Variants in RUFY2 observed in about 807,000 individuals in gnomAD.
The protein encoded by RUFY2 is RUN and FYVE domain containing 2.
RUFY2 carries 49 observed loss-of-function variants against 94.4 expected under a neutral mutation model. The observed-to-expected ratio is 0.52, with a 90% CI of 0.41 to 0.66. The LOEUF is 0.66. RUFY2 is among the 30% of genes least tolerant of loss of function. The pLI is 0.00. For missense variants in RUFY2, 541 were observed against 692.8 expected, an observed-to-expected ratio of 0.78 and a Z score of 2.46; for synonymous variants, 255 against 235.7, an observed-to-expected ratio of 1.08 and a Z score of -0.75.
intron 13 of RUFY2, among the ~76,000 whole-genome samples, chr10:68,367,662 T>TTTCTTTCTTTCTCTC (rs1375441189): frequency 1.4e-5 from 2 of 145,402 alleles, no homozygotes; most frequent in Non-Finnish European, 2.9e-5. Context: ...TTCTTTCTCT[T>TTTCTTTCTTTCTCTC]TTCTTTCTTT....
intron 1 of RUFY2, chr10:68,406,934 T>C (rs2051368551): frequency 6.4e-7 from 1 of 1,556,412 alleles, no homozygotes; most frequent in South Asian, 1.2e-5. Context: ...CTGGACGCCG[T>C]GGCACCTCGA....
At chr10:68,341,819 G>A, downstream of RUFY2, 1 of 1,610,836 alleles carries the variant, frequency 6.2e-7, no homozygotes, top group Non-Finnish European at 8.5e-7. Flanking sequence ...TACAGTGGAG[G>A]ATATGGTACT....
intron 4 of RUFY2, among the ~76,000 whole-genome samples, chr10:68,394,884 A>G (rs935423761): frequency 6.6e-6 from 1 of 151,856 alleles, no homozygotes. Flanking sequence ...GGGCCTCAGC[A>G]TCCCAAAGTG....
chr10:68,363,099 A>G (rs911137759), intron 15 of RUFY2, among the ~76,000 whole-genome samples: 2 of 152,226 alleles, frequency 1.3e-5, no homozygotes, highest in South Asian at 2.1e-4. Flanking sequence ...TTCAAAGCTA[A>G]GTCTACTAAA....
rs1382258180 is a variant in RUFY2, at chr10:68,346,095, G to T, written c.1600-11C>A. ...CAGCCAAACCAGTCCCTAGTAGGAA[G>T]AAAATATTAATGCTCAAATTGGTAA... On this transcript the variant is annotated splice_polypyrimidine_tract_variant and intron_variant, in intron 16 of 17. Transcript: ENST00000602465. The T allele has an allele frequency of 6.3e-7, 1 of 1,598,102 alleles. No homozygotes were observed. The highest frequency in any genetic ancestry group is 1.3e-5 in the African/African-American group (1 of 74,176).
chr10:68,386,355 AT>A lies in RUFY2; in HGVS notation c.651-228del, dbSNP rs1281473439. Among the ~76,000 whole-genome samples the A allele has an allele frequency of 1.0e-4, 15 of 150,458 alleles. No homozygotes were observed. In the South Asian group the frequency reaches 2.1e-3, roughly 21 times the overall value. On this transcript the variant is annotated intron_variant, in intron 7 of 17. Coordinates refer to ENST00000602465, the MANE Select transcript of RUFY2 (RefSeq NM_001330103.2). Reference sequence around the variant, plus strand: ...ATTAAAATTCCATTTGGTGCTACTGATTTTTTTTTTCTGAGATGGAGTCTCA... The same window carrying A: ...ATTAAAATTCCATTTGGTGCTACTGATTTTTTTTTCTGAGATGGAGTCTCA...
chr10:68,374,551 T>C (rs1033204644), intron 13 of RUFY2, among the ~76,000 whole-genome samples: 4 of 152,130 alleles, frequency 2.6e-5, no homozygotes, highest in Admixed American at 6.6e-5. Context: ...AAAATATATT[T>C]ACCAATCCAC....
chr10:68,379,011 A>T (rs1206409072), intron 12 of RUFY2: 1 of 286,192 alleles, frequency 3.5e-6, no homozygotes, highest in Non-Finnish European at 6.4e-6. Flanking sequence ...ACAAAACTAA[A>T]CCACCAATTC....
At chr10:68,357,233 GTT>G (rs1005368601) in intron 15 of RUFY2, among the ~76,000 whole-genome samples, 6 of 139,736 alleles carry the variant, frequency 4.3e-5, no homozygotes, top group Admixed American at 7.2e-5. Context: ...GTATAACTTT[GTT>G]TTTTTTTTTT....
chr10:68,405,436 T>C (rs1382481513), intron 1 of RUFY2: 1 of 971,830 alleles, frequency 1.0e-6, no homozygotes, highest in Non-Finnish European at 1.2e-6. Context: ...TATTTAACTT[T>C]CCTGGTACCT....
rs1233451075 is a variant in RUFY2 at position 68,345,994 on chromosome 10, T to G, written c.1677+13A>C. On this transcript the variant is annotated intron_variant, in intron 17 of 17. Coordinates refer to ENST00000602465, the MANE Select transcript of RUFY2 (RefSeq NM_001330103.2). ...CACTCCAAATTTTTGGACTCACTTC[T>G]TATCTCCCTTACCTTTCTCTTAGAG... is the stretch of plus-strand genomic sequence containing the variant. 1.2e-6 allele frequency: 2 copies of G among 1,612,850 alleles called. No individual in the cohort carries two copies. Among genetic ancestry groups the G allele is most frequent in the Non-Finnish European group, 1.7e-6 (2 of 1,179,362 alleles).
At chr10:68,395,273 G>C (rs2050307629) in intron 4 of RUFY2, among the ~76,000 whole-genome samples, 1 of 151,852 alleles carries the variant, frequency 6.6e-6, no homozygotes, top group African/African-American at 2.4e-5. Context: ...AGGAGGCAGA[G>C]GTTGCAGTGA....
downstream of RUFY2, chr10:68,341,566 C>G: frequency 6.6e-7 from 1 of 1,525,258 alleles, no homozygotes; most frequent in Non-Finnish European, 9.0e-7. Context: ...CCCTGTTACT[C>G]TTTCTTTTTT....
chr10:68,354,690 A>G (rs372431910), intron 16 of RUFY2, among the ~76,000 whole-genome samples: 62 of 152,312 alleles, frequency 4.1e-4, no homozygotes, highest in African/African-American at 1.5e-3. Context: ...CAGAGAAGGA[A>G]GCTGAGGCTC....
At chr10:68,387,640 G>A (rs2132931031) in intron 7 of RUFY2, among the ~76,000 whole-genome samples, 1 of 152,302 alleles carries the variant, frequency 6.6e-6, no homozygotes, top group Admixed American at 6.5e-5. Flanking sequence ...GGTAACGACA[G>A]ACAAACACAA....
At chr10:68,398,422 C>T (rs1353014318) in intron 3 of RUFY2, among the ~76,000 whole-genome samples, 3 of 152,154 alleles carry the variant, frequency 2.0e-5, no homozygotes, top group East Asian at 1.9e-4. Context: ...GAGGCCAAGG[C>T]GGGTGGATCA....
At chr10:68,384,265 G>T (rs149448660) in intron 8 of RUFY2, 113 bp from the exon 9 acceptor site, 3 of 1,325,728 alleles carry the variant, frequency 2.3e-6, no homozygotes, top group Non-Finnish European at 3.0e-6. Flanking sequence ...ACTAGCAAAA[G>T]GTCTGTCACA....
rs748961789 is a variant in RUFY2, at chr10:68,406,746, G to A, written c.4+440C>T. 5.0e-6 allele frequency: 8 copies of A among 1,605,456 alleles called. No individual in the cohort carries two copies. In the South Asian group the frequency reaches 5.6e-5, roughly 11 times the overall value. On this transcript the variant is annotated intron_variant, in intron 1 of 17. Coordinates refer to ENST00000602465, the MANE Select transcript of RUFY2 (RefSeq NM_001330103.2). Reference sequence around the variant, plus strand: ...GGGGGCCCCCCAGGACCATCGCGGCGGGCTCACCCAGGCTCCTGCGCGTCA... The same window carrying A: ...GGGGGCCCCCCAGGACCATCGCGGCAGGCTCACCCAGGCTCCTGCGCGTCA...
rs192142316 is a variant in RUFY2 at position 68,358,570 on chromosome 10, A to C, written c.1551-3169T>G. Among the ~76,000 whole-genome samples the C allele has an allele frequency of 5.3e-5, 8 of 152,374 alleles. No homozygotes were observed. The East Asian group carries it at 1.5e-3, about 29-fold the overall frequency. On this transcript the variant is annotated intron_variant, in intron 15 of 17. Transcript: ENST00000602465. Reference sequence around the variant, plus strand: ...GTGATGATTTAATTATGCTATACAGAAAAACTGAATATGGAATTAAAGTGG... The same window carrying C: ...GTGATGATTTAATTATGCTATACAGCAAAACTGAATATGGAATTAAAGTGG...
Sources: allele counts gnomAD v4.1 joint callset (sites outside exome capture counted in the v4.1 genomes callset), GRCh38; gene constraint gnomAD v4.1.1; transcripts MANE v1.5; gene names NCBI Gene and HGNC (gene_info 2026-07-23, HGNC 2026-07-21).